The following NFASC variants were observed in gnomAD, a reference collection of about 807,000 sequenced individuals.
The protein encoded by NFASC is neurofascin homolog.
Under a neutral mutation model 147.5 loss-of-function variants are expected in NFASC, and 43 were observed. The ratio of observed to expected loss-of-function variants is 0.29; its 90% CI spans 0.23 to 0.38. The LOEUF is 0.38. Ranked by LOEUF, NFASC falls within the 10% of genes least tolerant of loss-of-function variation. NFASC has a pLI of 1.00. For missense variants in NFASC, 1,320 were observed against 1,689.0 expected, an observed-to-expected ratio of 0.78 and a Z score of 3.83; for synonymous variants, 622 against 665.5, an observed-to-expected ratio of 0.93 and a Z score of 1.01.
rs200933434 is a variant in NFASC at position 204,926,380 on chromosome 1, GTATATATATA to G, written c.-91+5658_-91+5667del. 6.3e-4 allele frequency among the ~76,000 whole-genome samples: 30 copies of G among 47,924 alleles called. 1 individual carries two copies. Among genetic ancestry groups the G allele is most frequent in the South Asian group, 6.8e-4 (1 of 1,480 alleles). 31.4% of individuals were successfully genotyped at this position (47,924 alleles called of 152,430 possible). A position where few individuals can be genotyped will look rare whatever the true frequency, so the allele number is the denominator to read the frequency against. ...AGTCCTTATGTAATTCTTTTTTCAT[GTATATATATA>G]TATATATATATATATATTTTTTTTT... On this transcript the variant is annotated intron_variant, in intron 2 of 29. Transcript: ENST00000339876.
At chr1:204,910,469 A>T (rs1010547418) in intron 1 of NFASC, among the ~76,000 whole-genome samples, 1 of 151,450 alleles carries the variant, frequency 6.6e-6, no homozygotes, top group African/African-American at 2.4e-5. Flanking sequence ...GAGAAGCAAG[A>T]GCTTTTTCTG....
Position 205,016,560 on chromosome 1 carries a change from C to T in NFASC, c.*21C>T, listed in dbSNP as rs1212206861. On this transcript the variant is annotated 3_prime_UTR_variant, in exon 30 of 30. Transcript: ENST00000339876. This position sits in a 1 kb window ranked among gnomAD's most constrained non-coding sequence, Gnocchi z 5.1. ...CCTAACGGAGCCCACCCAGGCACAG[C>T]CACCACTTTGCAAGTGGGAGGAGGG... 13 of 1,579,004 alleles carry T rather than the reference C, an allele frequency of 8.2e-6. No individual in the cohort carries two copies. The East Asian group carries it at 2.9e-4, about 35-fold the overall frequency.
At chr1:204,890,075 G>T (rs1237440191) in intron 1 of NFASC, among the ~76,000 whole-genome samples, 1 of 152,196 alleles carries the variant, frequency 6.6e-6, no homozygotes, top group Non-Finnish European at 1.5e-5. Context: ...AGCTGCTCTG[G>T]TGCCATCTGC....
Position 205,016,531 on chromosome 1 carries a change from C to G in NFASC, c.3715C>G (p.Leu1239Val). 6.2e-7 allele frequency: 1 copy of G among 1,612,980 alleles called. No homozygotes were observed. The highest frequency in any genetic ancestry group is 8.5e-7 in the Non-Finnish European group (1 of 1,178,954). Residue 1239 changes from leucine (L) to valine (V), a missense_variant, in exon 30 of 30, where the codon CTG becomes GTG. Physicochemically the swap from Leu to Val is conservative, Grantham distance 32. This residue lies in a region of NFASC where 167 missense variants were observed against 233.8 expected (regional missense o/e 0.71). Coordinates refer to ENST00000339876, the MANE Select transcript of NFASC (RefSeq NM_001005388.3). This position sits in a 1 kb window ranked among gnomAD's most constrained non-coding sequence, Gnocchi z 5.1. ...GTCACCTGTCAATGCTATCTACTCT[C>G]TGGCCTAACGGAGCCCACCCAGGCA... The part of the protein sequence containing the change: ...ATSPVNAIYS[L>V]A
In NFASC at chr1:204,968,624, C is replaced by T; in HGVS notation, c.819-174C>T. 2 of 646,910 alleles carry T rather than the reference C, an allele frequency of 3.1e-6. No individual in the cohort carries two copies. The highest frequency in any genetic ancestry group is 5.3e-6 in the Non-Finnish European group (2 of 378,706). 40.1% of individuals were successfully genotyped at this position (646,910 alleles called of 1,614,324 possible). ...TCTCGTGGGACCTTAGCTAAGCCTT[C>T]AGGCTCTCTGTGGCTGAGCATCCTC... On this transcript the variant is annotated intron_variant, in intron 9 of 29. Transcript: ENST00000339876. The surrounding 1 kb of genome is among the most constrained non-coding windows in gnomAD (Gnocchi z 5.4).
intron 1 of NFASC, among the ~76,000 whole-genome samples, chr1:204,880,986 G>C (rs1450258998): frequency 6.6e-6 from 1 of 152,216 alleles, no homozygotes. Flanking sequence ...TTCAGAATAA[G>C]CGAAGAGTGT....
chr1:204,973,532 G>T (rs1320028432), intron 12 of NFASC, 113 bp downstream of exon 12: 17 of 1,339,480 alleles, frequency 1.3e-5, no homozygotes, highest in Middle Eastern at 2.2e-4. Flanking sequence ...GGCCAAGCTG[G>T]GTGAGGTAAG....
chr1:204,976,561 G>GA, intron 15 of NFASC, 110 bp from the exon 16 acceptor site: 1 of 746,614 alleles, frequency 1.3e-6, no homozygotes, highest in Non-Finnish European at 2.3e-6. Context: ...CCCCCAGAAG[G>GA]AGCTTCCCTT....
intron 1 of NFASC, among the ~76,000 whole-genome samples, chr1:204,847,270 T>C (rs1186375989): frequency 6.6e-6 from 1 of 152,234 alleles, no homozygotes; most frequent in East Asian, 1.9e-4. Context: ...GCTTACTATG[T>C]GCTAGACAAT....
chr1:204,990,456 C>G (rs2095702195), intron 23 of NFASC: 1 of 151,000 alleles, frequency 6.6e-6, no homozygotes, highest in African/African-American at 2.4e-5. Context: ...CAGTAACCAC[C>G]ACAGAGAATG....
chr1:205,002,876 C>T lies in NFASC; in HGVS notation c.3289+128C>T, dbSNP rs1359026167. 1.0e-5 allele frequency: 7 copies of T among 673,014 alleles called. No homozygotes were observed. In the South Asian group the frequency reaches 1.3e-4, roughly 12 times the overall value. The allele number at this position is 673,014 out of a possible 1,614,324, so 41.7% of individuals were successfully genotyped here. ...CCACCCCATTTCCCACCTTGCATGG[C>T]GTGTCTCAGCTCTTATTATGTATCA... On this transcript the variant is annotated intron_variant, in intron 27 of 29. Coordinates refer to ENST00000339876, the MANE Select transcript of NFASC (RefSeq NM_001005388.3).
intron 8 of NFASC, among the ~76,000 whole-genome samples, chr1:204,961,912 T>C (rs1197873732): frequency 6.6e-6 from 1 of 152,260 alleles, no homozygotes; most frequent in Non-Finnish European, 1.5e-5. Flanking sequence ...TTTTCTCCTT[T>C]TGTGGGCTGT....
At chr1:204,908,013 GTT>G (rs1394230835) in intron 1 of NFASC, among the ~76,000 whole-genome samples, 2 of 152,006 alleles carry the variant, frequency 1.3e-5, no homozygotes, top group African/African-American at 4.8e-5. Flanking sequence ...ACAGGGTCTT[GTT>G]CTGTCACTAG....
chr1:205,012,662 G>C, intron 28 of NFASC, 135 bp from the exon 29 acceptor site: 1 of 729,762 alleles, frequency 1.4e-6, no homozygotes, highest in Non-Finnish European at 2.5e-6. Flanking sequence ...GGGAGGCGTG[G>C]ATGGTGCCTT....
intron 1 of NFASC, among the ~76,000 whole-genome samples, chr1:204,852,170 G>A (rs968446631): frequency 6.6e-6 from 1 of 152,136 alleles, no homozygotes; most frequent in Non-Finnish European, 1.5e-5. Context: ...GAGCATTAGC[G>A]ATCATCTGAT....
rs374623405 is a variant in NFASC, at chr1:204,975,266, C to T, written c.1559-5C>T. ...CAGTGGCGAGTGCTCTGGGCTTCTC[C>T]ACAGACCCCACCAGGATCTACCGGA... On this transcript the variant is annotated splice_polypyrimidine_tract_variant and splice_region_variant and intron_variant, in intron 14 of 29. Coordinates refer to ENST00000339876, the MANE Select transcript of NFASC (RefSeq NM_001005388.3). This position sits in a 1 kb window ranked among gnomAD's most constrained non-coding sequence, Gnocchi z 4.0. 4 of 1,608,560 alleles carry T rather than the reference C, an allele frequency of 2.5e-6. No individual in the cohort carries two copies. The highest frequency in any genetic ancestry group is 1.8e-4 in the Middle Eastern group (1 of 5,490).
At chr1:204,933,800 A>G (rs982019849) in intron 2 of NFASC, among the ~76,000 whole-genome samples, 26 of 152,096 alleles carry the variant, frequency 1.7e-4, no homozygotes, top group African/African-American at 6.3e-4. Context: ...TCTAGTATGC[A>G]TATATAGGGA....
intron 1 of NFASC, among the ~76,000 whole-genome samples, chr1:204,884,816 C>A (rs2080985302): frequency 1.3e-5 from 2 of 152,090 alleles, no homozygotes; most frequent in Admixed American, 1.3e-4. Flanking sequence ...CTGCACTGCA[C>A]CCACCAGCAT....
At chr1:204,885,486 A>G (rs1206522816) in intron 1 of NFASC, among the ~76,000 whole-genome samples, 1 of 152,214 alleles carries the variant, frequency 6.6e-6, no homozygotes, top group Non-Finnish European at 1.5e-5. Context: ...CTTTGCCCTC[A>G]CTGGACTTTG....
Sources: gnomAD v4.1 joint callset for allele counts (sites outside exome capture counted in the v4.1 genomes callset) on GRCh38, gnomAD v4.1.1 for gene constraint, gnomAD v4.1.1 regional missense constraint, Gnocchi (gnomAD v3.1) non-coding constraint, MANE v1.5 for transcripts, NCBI Gene and HGNC (gene_info 2026-07-23, HGNC 2026-07-21) for gene names.